BRINP3: variants seen among roughly 807,000 people sequenced by gnomAD.
BRINP3 encodes BMP/retinoic acid inducible neural specific 3.
A neutral mutation model predicts 71.0 loss-of-function variants in BRINP3; 19 were observed. That is an observed-to-expected ratio of 0.27 (90% CI 0.19 to 0.39). The LOEUF (loss-of-function observed/expected upper bound fraction) is 0.39, where lower values mean the gene tolerates loss of function less well. Among genes scored for constraint, BRINP3 ranks in the 10% least tolerant of loss-of-function variants. BRINP3 has a pLI of 1.00. For missense variants in BRINP3, 959 were observed against 940.8 expected, an observed-to-expected ratio of 1.02 and a Z score of -0.25; for synonymous variants, 380 against 337.7, an observed-to-expected ratio of 1.13 and a Z score of -1.37.
At chr1:190,197,862 C>T (rs1046138445) in intron 6 of BRINP3, among the ~76,000 whole-genome samples, 17 of 152,136 alleles carry the variant, frequency 1.1e-4, no homozygotes, top group African/African-American at 1.4e-4. Context: ...GGCAGTTTTC[C>T]AGTAGGGACT....
chr1:190,337,007 T>C (rs1434432970), intron 2 of BRINP3, among the ~76,000 whole-genome samples: 2 of 151,662 alleles, frequency 1.3e-5, no homozygotes, highest in Non-Finnish European at 2.9e-5. Flanking sequence ...AAACTATAGC[T>C]ACATACAATA....
At chr1:190,315,851 T>C (rs926771408) in intron 2 of BRINP3, among the ~76,000 whole-genome samples, 4 of 152,122 alleles carry the variant, frequency 2.6e-5, no homozygotes, top group African/African-American at 9.6e-5. Context: ...TGCAAACTCA[T>C]CACCTACCTC....
intron 6 of BRINP3, among the ~76,000 whole-genome samples, chr1:190,208,254 G>A (rs975883677): frequency 2.6e-5 from 4 of 151,780 alleles, no homozygotes; most frequent in Middle Eastern, 3.4e-3. Flanking sequence ...CACTGTGCCC[G>A]GCCCTGTAAT....
intron 6 of BRINP3, among the ~76,000 whole-genome samples, chr1:190,166,864 C>T (rs995560831): frequency 6.6e-6 from 1 of 152,062 alleles, no homozygotes; most frequent in Non-Finnish European, 1.5e-5. Flanking sequence ...GCTGGGATTA[C>T]AGGCGCATAC....
chr1:190,435,239 A>G (rs536792211), intron 2 of BRINP3, among the ~76,000 whole-genome samples: 1 of 152,266 alleles, frequency 6.6e-6, no homozygotes, highest in Admixed American at 6.5e-5. Flanking sequence ...TGCTTGCCTG[A>G]AAAAGGTATA....
intron 4 of BRINP3, among the ~76,000 whole-genome samples, chr1:190,251,986 T>C (rs7416623): frequency 0.14 from 21,529 of 152,052 alleles, 2,013 homozygotes; most frequent in South Asian, 0.26. Flanking sequence ...TTCTTATTCA[T>C]TCAATAGATG....
At chr1:190,285,991 C>G (rs1163545448) in intron 2 of BRINP3, among the ~76,000 whole-genome samples, 1 of 152,112 alleles carries the variant, frequency 6.6e-6, no homozygotes, top group African/African-American at 2.4e-5. Flanking sequence ...ATCTTCCCAT[C>G]ATAACGTTTG....
At chr1:190,231,985 CTG>C (rs1206583828) in intron 5 of BRINP3, among the ~76,000 whole-genome samples, 8 of 151,898 alleles carry the variant, frequency 5.3e-5, no homozygotes, top group Admixed American at 3.9e-4. Flanking sequence ...TATTAAAAAA[CTG>C]TGATAATTTC....
At chr1:190,369,257 A>C (rs554435535) in intron 2 of BRINP3, among the ~76,000 whole-genome samples, 1 of 152,252 alleles carries the variant, frequency 6.6e-6, no homozygotes, top group Non-Finnish European at 1.5e-5. Context: ...CGAATAGGTA[A>C]TCTCTAGAGT....
chr1:190,268,308 A>T (rs1020152565), intron 3 of BRINP3, among the ~76,000 whole-genome samples: 2 of 152,180 alleles, frequency 1.3e-5, no homozygotes, highest in Non-Finnish European at 2.9e-5. Flanking sequence ...TGTGTTGCCC[A>T]GGCTGATCTC....
chr1:190,349,035 C>T (rs1224087420), intron 2 of BRINP3, among the ~76,000 whole-genome samples: 2 of 152,024 alleles, frequency 1.3e-5, no homozygotes, highest in Non-Finnish European at 2.9e-5. Flanking sequence ...AGTAGCTGAG[C>T]TTATGGAAGC....
At chr1:190,303,096 A>C (rs1371788614) in intron 2 of BRINP3, among the ~76,000 whole-genome samples, 1 of 151,802 alleles carries the variant, frequency 6.6e-6, no homozygotes, top group Non-Finnish European at 1.5e-5. Flanking sequence ...TTATAATTAG[A>C]TAACATATTT....
intron 2 of BRINP3, among the ~76,000 whole-genome samples, chr1:190,317,698 A>T (rs1571731017): frequency 6.6e-6 from 1 of 152,058 alleles, no homozygotes; most frequent in African/African-American, 2.4e-5. Flanking sequence ...TTTTTCATAC[A>T]TCTATGCCTT....
intron 2 of BRINP3, among the ~76,000 whole-genome samples, chr1:190,343,436 G>A (rs916825940): frequency 4.6e-5 from 7 of 151,650 alleles, no homozygotes; most frequent in African/African-American, 4.8e-5. Flanking sequence ...TGAGCTACTT[G>A]GGAAAGTCAG....
intron 6 of BRINP3, among the ~76,000 whole-genome samples, chr1:190,206,364 A>G (rs1655498947): frequency 6.6e-6 from 1 of 152,106 alleles, no homozygotes; most frequent in African/African-American, 2.4e-5. Context: ...CAGTAAGGAA[A>G]AACTTAATCT....
intron 7 of BRINP3, among the ~76,000 whole-genome samples, chr1:190,118,575 C>T (rs1653345119): frequency 6.6e-6 from 1 of 152,042 alleles, no homozygotes; most frequent in African/African-American, 2.4e-5. Context: ...CTTCATTTCA[C>T]AGAAAAGTGA....
intron 2 of BRINP3, among the ~76,000 whole-genome samples, chr1:190,372,760 C>G (rs940640332): frequency 8.5e-5 from 13 of 152,256 alleles, no homozygotes; most frequent in African/African-American, 3.1e-4. Flanking sequence ...TTGTAAAGAA[C>G]AGATAATAGT....
chr1:190,376,170 A>C (rs61818782), intron 2 of BRINP3, among the ~76,000 whole-genome samples: 1 of 151,630 alleles, frequency 6.6e-6, no homozygotes, highest in African/African-American at 2.4e-5. Flanking sequence ...TTTTTTTTTA[A>C]TATAGTAGCA....
chr1:190,416,328 A>G (rs1673000967), intron 2 of BRINP3, among the ~76,000 whole-genome samples: 1 of 152,118 alleles, frequency 6.6e-6, no homozygotes, highest in African/African-American at 2.4e-5. Flanking sequence ...CTGTTGACTG[A>G]CTAATAAACA....
Sources: allele counts gnomAD v4.1 joint callset (sites outside exome capture counted in the v4.1 genomes callset), GRCh38; gene constraint gnomAD v4.1.1; transcripts MANE v1.5; gene names NCBI Gene and HGNC (gene_info 2026-07-23, HGNC 2026-07-21).